The following PRKAR2A variants were observed in gnomAD, a reference collection of about 807,000 sequenced individuals.
The protein encoded by PRKAR2A is protein kinase cAMP-dependent type II regulatory subunit alpha, also known as cAMP-dependent protein kinase type II-alpha regulatory subunit.
Under a neutral mutation model 51.9 loss-of-function variants are expected in PRKAR2A, and 29 were observed. The ratio of observed to expected loss-of-function variants is 0.56; its 90% CI spans 0.42 to 0.76. PRKAR2A has a LOEUF of 0.76. PRKAR2A is among the 30% of genes least tolerant of loss of function. The pLI, the probability that PRKAR2A is intolerant of heterozygous loss-of-function variation, is 0.00. For missense variants in PRKAR2A, 445 were observed against 512.1 expected (o/e 0.87, Z 1.26); for synonymous variants, 178 against 186.2 (o/e 0.96, Z 0.36).
At chr3:48,785,898 G>C (rs1312194620) in intron 4 of PRKAR2A, among the ~76,000 whole-genome samples, 2 of 151,816 alleles carry the variant, frequency 1.3e-5, no homozygotes, top group African/African-American at 4.8e-5. Flanking sequence ...AGGGCATCTG[G>C]GTATTCATGT....
intron 1 of PRKAR2A, among the ~76,000 whole-genome samples, chr3:48,824,475 A>G (rs1355275302): frequency 6.6e-6 from 1 of 151,912 alleles, no homozygotes; most frequent in African/African-American, 2.4e-5. Context: ...TGATAAGATC[A>G]TTCATATCCC....
intron 1 of PRKAR2A, among the ~76,000 whole-genome samples, chr3:48,829,931 C>T (rs2083159880): frequency 7.1e-6 from 1 of 141,740 alleles, no homozygotes; most frequent in Non-Finnish European, 1.5e-5. Flanking sequence ...GGCACAGTGG[C>T]TCACGCCTAT....
At chr3:48,815,331 TA>T (rs2082856494) in intron 1 of PRKAR2A, among the ~76,000 whole-genome samples, 2 of 150,954 alleles carry the variant, frequency 1.3e-5, no homozygotes, top group African/African-American at 4.9e-5. Context: ...TATACATACA[TA>T]TTTTATATAT....
chr3:48,810,627 A>T (rs2082755570), intron 1 of PRKAR2A, among the ~76,000 whole-genome samples: 1 of 152,112 alleles, frequency 6.6e-6, no homozygotes, highest in African/African-American at 2.4e-5. Flanking sequence ...ATGTTTTTTT[A>T]ATTTTTTAAA....
rs556034280 is a variant in PRKAR2A at position 48,817,169 on chromosome 3, A to C, written c.263-9485T>G. The stretch of plus-strand genomic sequence containing the variant: ...TGGTGAAACCCCGTCTCTACTAAAA[A>C]TACAAAAATTAGTTGGGCATGGTGG... On this transcript the variant is annotated intron_variant, in intron 1 of 10. Transcript: ENST00000265563. Among the ~76,000 whole-genome samples the C allele has an allele frequency of 4.2e-4, 64 of 152,042 alleles. 1 individual carries two copies. Among genetic ancestry groups the C allele is most frequent in the Middle Eastern group, 6.8e-3 (2 of 294 alleles).
rs561259327 is a variant in PRKAR2A at position 48,820,503 on chromosome 3, TATG to T, written c.263-12822_263-12820del. ...ATGACTACTGTGAACACTCGATTCA[TATG>T]ATAAGTACTTACCAAGTACCTAGAA... On this transcript the variant is annotated intron_variant, in intron 1 of 10. Transcript: ENST00000265563. Among the ~76,000 whole-genome samples, 423 of 152,286 alleles carry T rather than the reference TATG, an allele frequency of 2.8e-3. 1 individual carries two copies. Among genetic ancestry groups the T allele is most frequent in the Non-Finnish European group, 4.1e-3 (276 of 68,028 alleles).
At chr3:48,753,081 C>T (rs1406304056) in intron 9 of PRKAR2A, among the ~76,000 whole-genome samples, 1 of 151,292 alleles carries the variant, frequency 6.6e-6, no homozygotes, top group South Asian at 2.1e-4. Context: ...CACAGGCGCC[C>T]GCCACCACGC....
intron 1 of PRKAR2A, among the ~76,000 whole-genome samples, chr3:48,821,358 A>G (rs893538838): frequency 6.6e-6 from 1 of 151,522 alleles, no homozygotes; most frequent in Non-Finnish European, 1.5e-5. Context: ...ACCCATCCCC[A>G]CTCCCTTCCA....
chr3:48,780,824 G>A (rs893654819), intron 5 of PRKAR2A, among the ~76,000 whole-genome samples: 3 of 151,924 alleles, frequency 2.0e-5, no homozygotes, highest in African/African-American at 4.8e-5. Context: ...TGAATAAGGT[G>A]CATACATTAG....
chr3:48,752,414 C>A, intron 9 of PRKAR2A, 97 bp from the exon 10 acceptor site: 1 of 1,289,058 alleles, frequency 7.8e-7, no homozygotes, highest in South Asian at 1.5e-5. Flanking sequence ...ATACTCTACA[C>A]AATTACTGAG....
At chr3:48,781,137 A>ATTT (rs71077735) in intron 5 of PRKAR2A, among the ~76,000 whole-genome samples, 2 of 124,310 alleles carry the variant, frequency 1.6e-5, no homozygotes, top group African/African-American at 3.1e-5. Context: ...TGCCTGGCTA[A>ATTT]TTTTTTTTTT....
At chr3:48,833,260 G>A (rs1045703887) in intron 1 of PRKAR2A, among the ~76,000 whole-genome samples, 3 of 151,990 alleles carry the variant, frequency 2.0e-5, no homozygotes, top group Admixed American at 6.6e-5. Flanking sequence ...GGCTGGTCTT[G>A]AACTCTTGGG....
chr3:48,813,280 G>A (rs2082808760), intron 1 of PRKAR2A, among the ~76,000 whole-genome samples: 2 of 151,508 alleles, frequency 1.3e-5, no homozygotes, highest in South Asian at 4.2e-4. Context: ...GTATGCACGT[G>A]TAGTCCTAGA....
chr3:48,785,902 T>C (rs1219472772), intron 4 of PRKAR2A, among the ~76,000 whole-genome samples: 1 of 152,192 alleles, frequency 6.6e-6, no homozygotes, highest in African/African-American at 2.4e-5. Context: ...CATCTGGGTA[T>C]TCATGTTATT....
intron 1 of PRKAR2A, among the ~76,000 whole-genome samples, chr3:48,846,884 A>T (rs2083471940): frequency 6.6e-6 from 1 of 152,218 alleles, no homozygotes; most frequent in Admixed American, 6.5e-5. Flanking sequence ...ATAGGGATTC[A>T]TCTCACCTTT....
In PRKAR2A at chr3:48,750,613, CTCTT is replaced by C. The variant is rs1199286955; in HGVS notation, c.*968_*971del. 2.6e-5 allele frequency: 4 copies of C among 152,498 alleles called. No individual in the cohort carries two copies. The highest frequency in any genetic ancestry group is 2.1e-4 in the South Asian group (1 of 4,824). 9.4% of individuals were successfully genotyped at this position (152,498 alleles called of 1,614,324 possible). A position where few individuals can be genotyped will look rare whatever the true frequency, so the allele number is the denominator to read the frequency against. ...AACTCTGGAGTAGAAGGAAAGAACT[CTCTT>C]TATAGTACAACCTCTTTCCAGCATA... On this transcript the variant is annotated 3_prime_UTR_variant, in exon 11 of 11. Transcript: ENST00000265563.
intron 1 of PRKAR2A, among the ~76,000 whole-genome samples, chr3:48,829,614 G>A (rs1359955227): frequency 7.4e-6 from 1 of 135,158 alleles, no homozygotes; most frequent in Non-Finnish European, 1.6e-5. Flanking sequence ...AAATGTGTGT[G>A]TGTATACGTG....
intron 5 of PRKAR2A, among the ~76,000 whole-genome samples, chr3:48,779,696 C>G (rs2082162275): frequency 6.6e-6 from 1 of 151,208 alleles, no homozygotes; most frequent in South Asian, 2.1e-4. Flanking sequence ...AGGAGAATCG[C>G]TTGAACCCGG....
chr3:48,814,703 T>C (rs578206781), intron 1 of PRKAR2A, among the ~76,000 whole-genome samples: 231 of 152,292 alleles, frequency 1.5e-3, no homozygotes, highest in Admixed American at 3.2e-3. Flanking sequence ...AAACATATCA[T>C]AGAATCAGAG....
Sources: allele counts gnomAD v4.1 joint callset (sites outside exome capture counted in the v4.1 genomes callset), GRCh38; gene constraint gnomAD v4.1.1; transcripts MANE v1.5; gene names NCBI Gene and HGNC (gene_info 2026-07-23, HGNC 2026-07-21).